Variants in RBMS3 observed in about 807,000 individuals in gnomAD.
RBMS3 encodes RNA binding motif single stranded interacting protein 3.
A neutral mutation model predicts 66.8 loss-of-function variants in RBMS3; 27 were observed. That is an observed-to-expected ratio of 0.40 (90% CI 0.30 to 0.56). RBMS3 has a LOEUF of 0.56. Among genes scored for constraint, RBMS3 ranks in the 20% least tolerant of loss-of-function variants. The pLI is 0.40. For missense variants in RBMS3, 513 were observed against 549.5 expected (o/e 0.93, Z 0.66); for synonymous variants, 188 against 183.0 (o/e 1.03, Z -0.22).
chr3:29,622,999 C>G (rs536618442), intron 4 of RBMS3, among the ~76,000 whole-genome samples: 2 of 150,014 alleles, frequency 1.3e-5, no homozygotes, highest in Admixed American at 1.3e-4. Flanking sequence ...CGCCTGTAGT[C>G]CCAGCTACTA....
intron 6 of RBMS3, among the ~76,000 whole-genome samples, chr3:29,867,556 C>T (rs534078049): frequency 1.4e-5 from 2 of 146,426 alleles, no homozygotes; most frequent in Admixed American, 7.0e-5. Context: ...TACCTTTATT[C>T]GCATCTCATC....
At chr3:29,804,078 T>C (rs1036362778) in intron 6 of RBMS3, among the ~76,000 whole-genome samples, 29 of 152,120 alleles carry the variant, frequency 1.9e-4, no homozygotes, top group African/African-American at 6.8e-4. Flanking sequence ...TTCCCTGGAC[T>C]ACCAGGTTTC....
chr3:29,815,845 CT>C (rs1250420102), intron 6 of RBMS3, among the ~76,000 whole-genome samples: 2 of 151,840 alleles, frequency 1.3e-5, no homozygotes, highest in African/African-American at 4.8e-5. Flanking sequence ...GTGTACACTG[CT>C]TGGGTGATGG....
intron 3 of RBMS3, among the ~76,000 whole-genome samples, chr3:29,549,418 G>A (rs865794038): frequency 1.3e-4 from 17 of 132,164 alleles, no homozygotes; most frequent in African/African-American, 4.9e-4. Context: ...TTTTTTTTCT[G>A]AGACGGAATC....
intron 4 of RBMS3, among the ~76,000 whole-genome samples, chr3:29,669,152 G>C (rs1306603477): frequency 2.8e-4 from 42 of 152,224 alleles, no homozygotes; most frequent in Admixed American, 2.7e-3. Context: ...CCAGCCTGTG[G>C]TGTGGAGTGT....
chr3:29,477,901 G>T (rs2043005894), intron 2 of RBMS3, among the ~76,000 whole-genome samples: 1 of 152,066 alleles, frequency 6.6e-6, no homozygotes, highest in African/African-American at 2.4e-5. Context: ...AAGTAGCTGG[G>T]ACCACAGGAA....
intron 1 of RBMS3, among the ~76,000 whole-genome samples, chr3:29,327,014 G>GCCA (rs1368438060): frequency 6.6e-6 from 1 of 152,154 alleles, no homozygotes; most frequent in East Asian, 1.9e-4. Flanking sequence ...ACAGGCGTGA[G>GCCA]CCACCACACC....
At chr3:29,511,254 C>T (rs1303405378) in intron 3 of RBMS3, among the ~76,000 whole-genome samples, 3 of 152,080 alleles carry the variant, frequency 2.0e-5, no homozygotes, top group Non-Finnish European at 4.4e-5. Context: ...TGAGATCGCA[C>T]CACTGCACTC....
intron 4 of RBMS3, among the ~76,000 whole-genome samples, chr3:29,705,286 G>A (rs1260727506): frequency 6.6e-6 from 1 of 152,112 alleles, no homozygotes; most frequent in Admixed American, 6.5e-5. Context: ...TGTATATGAA[G>A]GAAACTCTCC....
At chr3:29,614,695 A>G (rs543013352) in intron 4 of RBMS3, 1 of 152,304 alleles carries the variant, frequency 6.6e-6, no homozygotes, top group East Asian at 1.9e-4. Context: ...ATATATCAGT[A>G]TAAATTCTAG....
chr3:29,997,743 A>AAATT (rs1400755556), intron 14 of RBMS3, among the ~76,000 whole-genome samples: 1 of 152,086 alleles, frequency 6.6e-6, no homozygotes, highest in African/African-American at 2.4e-5. Context: ...AACTCTTAAT[A>AAATT]AATTAGGTAT....
chr3:29,396,499 C>G (rs2125655809), intron 1 of RBMS3, among the ~76,000 whole-genome samples: 2 of 152,156 alleles, frequency 1.3e-5, no homozygotes, highest in Non-Finnish European at 2.9e-5. Context: ...GATAACTGTA[C>G]TATAGTCTAA....
chr3:29,471,443 TC>T (rs1228042067), intron 2 of RBMS3, among the ~76,000 whole-genome samples: 1 of 152,152 alleles, frequency 6.6e-6, no homozygotes, highest in African/African-American at 2.4e-5. Flanking sequence ...TACTTTGGCT[TC>T]CCCACGATTA....
intron 6 of RBMS3, among the ~76,000 whole-genome samples, chr3:29,863,993 A>G (rs945028481): frequency 6.6e-6 from 1 of 152,200 alleles, no homozygotes; most frequent in African/African-American, 2.4e-5. Flanking sequence ...TTGGAATGTA[A>G]TTATAGATAC....
intron 4 of RBMS3, among the ~76,000 whole-genome samples, chr3:29,668,631 G>T (rs79777840): frequency 0.029 from 4,458 of 152,194 alleles, 209 homozygotes; most frequent in African/African-American, 0.1. Context: ...TCGGCCCATG[G>T]AATACAAAAT....
At chr3:29,443,890 C>G (rs1338529300) in intron 2 of RBMS3, among the ~76,000 whole-genome samples, 1 of 152,122 alleles carries the variant, frequency 6.6e-6, no homozygotes, top group East Asian at 1.9e-4. Context: ...AACGCCTTAA[C>G]TCTTAGCTTG....
intron 10 of RBMS3, among the ~76,000 whole-genome samples, chr3:29,930,363 C>G (rs1398785689): frequency 6.6e-6 from 1 of 151,530 alleles, no homozygotes; most frequent in Non-Finnish European, 1.5e-5. Context: ...CCGCCCGCCT[C>G]GGCCTCCCAA....
intron 10 of RBMS3, among the ~76,000 whole-genome samples, chr3:29,922,269 T>G (rs901120295): frequency 6.6e-6 from 1 of 151,496 alleles, no homozygotes; most frequent in African/African-American, 2.4e-5. Flanking sequence ...GGGTGGATCA[T>G]GAGGTCAGGA....
At chr3:29,454,839 G>T (rs557169029) in intron 2 of RBMS3, among the ~76,000 whole-genome samples, 142 of 152,288 alleles carry the variant, frequency 9.3e-4, no homozygotes, top group African/African-American at 3.0e-3. Context: ...CACAGACAAA[G>T]CAGAGTCACA....
Sources: allele counts gnomAD v4.1 joint callset (sites outside exome capture counted in the v4.1 genomes callset), GRCh38; gene constraint gnomAD v4.1.1; transcripts MANE v1.5; gene names NCBI Gene and HGNC (gene_info 2026-07-23, HGNC 2026-07-21).